Variants in MGAT5 observed in about 807,000 individuals in gnomAD.
The protein encoded by MGAT5 is alpha-1,6-mannosylglycoprotein 6-beta-N-acetylglucosaminyltransferase.
MGAT5 carries 30 observed loss-of-function variants against 94.3 expected under a neutral mutation model. That is an observed-to-expected ratio of 0.32 (90% CI 0.24 to 0.43). The LOEUF is 0.43. Ranked by LOEUF, MGAT5 falls within the 20% of genes least tolerant of loss-of-function variation. MGAT5 has a pLI of 1.00. For missense variants in MGAT5, 691 were observed against 905.5 expected (o/e 0.76, Z 3.04); for synonymous variants, 310 against 322.9 (o/e 0.96, Z 0.43).
chr2:134,322,826 A>G (rs1399289508), intron 4 of MGAT5, among the ~76,000 whole-genome samples: 7 of 152,116 alleles, frequency 4.6e-5, no homozygotes, highest in African/African-American at 1.4e-4. Flanking sequence ...GATGATTGAG[A>G]GAGACATCTT....
chr2:134,246,008 G>A (rs1287478508), intron 1 of MGAT5, among the ~76,000 whole-genome samples: 1 of 152,098 alleles, frequency 6.6e-6, no homozygotes, highest in Non-Finnish European at 1.5e-5. Flanking sequence ...AAGAGGGGAT[G>A]GGCTGTTTAA....
intron 1 of MGAT5, among the ~76,000 whole-genome samples, chr2:134,242,763 C>A (rs927191224): frequency 4.6e-5 from 7 of 152,150 alleles, no homozygotes; most frequent in Non-Finnish European, 7.3e-5. Flanking sequence ...TTGTAGACAT[C>A]GAGGCTTTTG....
chr2:134,408,052 A>G (rs571483238), intron 11 of MGAT5, among the ~76,000 whole-genome samples: 101 of 152,268 alleles, frequency 6.6e-4, no homozygotes, highest in African/African-American at 2.3e-3. Flanking sequence ...CAAAAATCCA[A>G]TGATCTTGGT....
In MGAT5 at chr2:134,449,036, CAA is replaced by C. The variant is rs894551502; in HGVS notation, c.*190_*191del. 2 of 607,954 alleles carry C rather than the reference CAA, an allele frequency of 3.3e-6. No individual in the cohort carries two copies. The highest frequency in any genetic ancestry group is 2.9e-6 in the Non-Finnish European group (1 of 345,348). The allele number at this position is 607,954 out of a possible 1,614,324, so 37.7% of individuals were successfully genotyped here. On this transcript the variant is annotated 3_prime_UTR_variant, in exon 16 of 16. Transcript: ENST00000281923. ...CAGTGGAGTCTTCACCAAAACAAAA[CAA>C]GAGCGTATGTCAGGCCAGGAGCCTG...
intron 2 of MGAT5, among the ~76,000 whole-genome samples, chr2:134,288,705 G>A (rs1043268179): frequency 2.0e-5 from 3 of 152,148 alleles, no homozygotes; most frequent in African/African-American, 7.2e-5. Flanking sequence ...TCCTTCAAAT[G>A]ATGTATGTGA....
intron 14 of MGAT5, 112 bp from the exon 15 acceptor site, chr2:134,441,646 C>A: frequency 7.7e-7 from 1 of 1,300,832 alleles, no homozygotes; most frequent in South Asian, 1.4e-5. Context: ...CAACTCTTCC[C>A]CGTCCCTGTG....
At chr2:134,438,763 G>T (rs1338577803) in intron 14 of MGAT5, among the ~76,000 whole-genome samples, 1 of 152,184 alleles carries the variant, frequency 6.6e-6, no homozygotes, top group Admixed American at 6.5e-5. Context: ...CTCTGGTGGT[G>T]CCCAGGGCTG....
intron 1 of MGAT5, among the ~76,000 whole-genome samples, chr2:134,260,442 C>G (rs941439067): frequency 2.0e-5 from 3 of 152,050 alleles, no homozygotes; most frequent in Non-Finnish European, 4.4e-5. Flanking sequence ...TTAGGGCTGC[C>G]GAAGATTGCT....
chr2:134,353,662 A>C (rs1262499916), intron 9 of MGAT5, among the ~76,000 whole-genome samples: 2 of 152,220 alleles, frequency 1.3e-5, no homozygotes, highest in African/African-American at 4.8e-5. Context: ...CAACTAATAC[A>C]TGCAAAAGGA....
At chr2:134,249,040 G>A (rs966200254) in intron 1 of MGAT5, among the ~76,000 whole-genome samples, 9 of 151,808 alleles carry the variant, frequency 5.9e-5, no homozygotes, top group African/African-American at 1.7e-4. Context: ...TTATAAGAGC[G>A]GTCATATGTG....
intron 2 of MGAT5, among the ~76,000 whole-genome samples, chr2:134,286,135 C>T (rs1684986261): frequency 6.6e-6 from 1 of 152,198 alleles, no homozygotes; most frequent in Non-Finnish European, 1.5e-5. Context: ...AAAATTCAGC[C>T]CTAAACATTC....
chr2:134,317,671 T>C, intron 3 of MGAT5, 66 bp downstream of exon 3: 1 of 1,105,942 alleles, frequency 9.0e-7, no homozygotes, highest in Non-Finnish European at 1.3e-6. Context: ...TTCTCTTCCT[T>C]TTCCTCCTCA....
rs570573794 is a variant in MGAT5 at position 134,197,961 on chromosome 2, G to A, written c.-142-56301G>A. 2.6e-5 allele frequency among the ~76,000 whole-genome samples: 4 copies of A among 152,262 alleles called. No individual in the cohort carries two copies. The East Asian group carries it at 7.7e-4, about 29-fold the overall frequency. On this transcript the variant is annotated intron_variant, in intron 1 of 16. Transcript: ENST00000409645. ...AATATAATCACTCTGCCACTCAGCTGCAAGAGATAATTATACTCTGTAGTG... is the reference window on the plus strand; with the variant it reads ...AATATAATCACTCTGCCACTCAGCTACAAGAGATAATTATACTCTGTAGTG...
At chr2:134,207,752 T>A (rs551736949) in intron 1 of MGAT5, among the ~76,000 whole-genome samples, 4 of 152,214 alleles carry the variant, frequency 2.6e-5, no homozygotes, top group African/African-American at 9.6e-5. Flanking sequence ...TGCAGTGATA[T>A]GTATCATTTG....
At chr2:134,382,045 A>C (rs546370053) in intron 10 of MGAT5, among the ~76,000 whole-genome samples, 3 of 152,166 alleles carry the variant, frequency 2.0e-5, no homozygotes, top group African/African-American at 7.2e-5. Flanking sequence ...GAGCTTTGCT[A>C]TGGTTCTCAG....
chr2:134,174,023 G>A (rs1688345039), intron 1 of MGAT5, among the ~76,000 whole-genome samples: 1 of 152,186 alleles, frequency 6.6e-6, no homozygotes, highest in Non-Finnish European at 1.5e-5. Context: ...TTTATGCTTA[G>A]ATTTATGTGA....
chr2:134,437,835 C>T (rs1279545862), intron 14 of MGAT5, among the ~76,000 whole-genome samples: 5 of 151,848 alleles, frequency 3.3e-5, no homozygotes, highest in East Asian at 3.9e-4. Context: ...GCAAACATGG[C>T]GAAACCCCGT....
chr2:134,367,731 A>G lies in MGAT5; in HGVS notation c.1380+5323A>G, dbSNP rs1680525945. On this transcript the variant is annotated intron_variant, in intron 10 of 15. Transcript: ENST00000281923. ...AGGCTGGTGGATGGCCAATATGTGG[A>G]AAAGTGAAGTGTAACTTAACTGAAA... Among the ~76,000 whole-genome samples, 3 of 152,250 alleles carry G rather than the reference A, an allele frequency of 2.0e-5. No individual in the cohort carries two copies. In the South Asian group the frequency reaches 6.2e-4, roughly 32 times the overall value.
chr2:134,163,783 C>T (rs754487393), intron 1 of MGAT5, among the ~76,000 whole-genome samples: 7 of 152,208 alleles, frequency 4.6e-5, no homozygotes, highest in Non-Finnish European at 8.8e-5. Context: ...CCAGGTCTGA[C>T]CTGTATAGCA....
Sources: allele counts gnomAD v4.1 joint callset (sites outside exome capture counted in the v4.1 genomes callset), GRCh38; gene constraint gnomAD v4.1.1; transcripts MANE v1.5; gene names NCBI Gene and HGNC (gene_info 2026-07-23, HGNC 2026-07-21).